SV2C: variants seen among roughly 807,000 people sequenced by gnomAD.
SV2C encodes the protein synaptic vesicle glycoprotein 2C.
In SV2C, 49 loss-of-function variants were observed where a neutral mutation model predicts 79.7. The ratio of observed to expected loss-of-function variants is 0.61; its 90% confidence interval spans 0.49 to 0.78. SV2C has a LOEUF of 0.78. Ranked by LOEUF, SV2C falls within the 30% of genes least tolerant of loss-of-function variation. The pLI, the probability that SV2C is intolerant of heterozygous loss-of-function variation, is 0.00. For missense variants in SV2C, 833 were observed against 912.9 expected, an observed-to-expected ratio of 0.91 and a Z score of 1.13; for synonymous variants, 334 against 333.2, an observed-to-expected ratio of 1.00 and a Z score of -0.03.
At chr5:76,058,304 A>G in the SV2C span, among the ~76,000 whole-genome samples, 1 of 152,094 alleles carries the variant, frequency 6.6e-6, no homozygotes, top group Non-Finnish European at 1.5e-5. Flanking sequence ...AAAGAAATTC[A>G]TTTCAGATCT....
intron 3 of SV2C, among the ~76,000 whole-genome samples, chr5:76,207,321 G>C (rs1375089223): frequency 1.3e-5 from 2 of 152,164 alleles, no homozygotes; most frequent in Non-Finnish European, 2.9e-5. Flanking sequence ...ACATTAATGA[G>C]GAAGTGAAAA....
At chr5:76,035,424 T>C in the SV2C span, among the ~76,000 whole-genome samples, 2 of 152,148 alleles carry the variant, frequency 1.3e-5, no homozygotes, top group Admixed American at 6.5e-5. Context: ...GTTTTGAATG[T>C]GTCCAAGAGA....
At chr5:76,129,136 C>T (rs1748801050) in intron 1 of SV2C, among the ~76,000 whole-genome samples, 1 of 152,210 alleles carries the variant, frequency 6.6e-6, no homozygotes, top group Non-Finnish European at 1.5e-5. Flanking sequence ...ATTTTGAAAT[C>T]ACTGTAGATT....
chr5:76,167,783 A>G (rs903891931), intron 2 of SV2C, among the ~76,000 whole-genome samples: 4 of 152,200 alleles, frequency 2.6e-5, no homozygotes, highest in Non-Finnish European at 4.4e-5. Flanking sequence ...CTTCAGACCC[A>G]GGAACCCGAA....
chr5:76,098,694 A>G (rs544159172), intron 1 of SV2C, among the ~76,000 whole-genome samples: 1 of 152,260 alleles, frequency 6.6e-6, no homozygotes, highest in Non-Finnish European at 1.5e-5. Flanking sequence ...CAAACAAAAC[A>G]AAACAAAAAC....
intron 2 of SV2C, among the ~76,000 whole-genome samples, chr5:76,178,120 A>C (rs1019036980): frequency 2.0e-5 from 3 of 152,224 alleles, no homozygotes; most frequent in Admixed American, 6.5e-5. Context: ...TCAGATGTAC[A>C]GATGGGGCCT....
chr5:75,935,374 C>A, the SV2C span, among the ~76,000 whole-genome samples: 1 of 152,018 alleles, frequency 6.6e-6, no homozygotes, highest in African/African-American at 2.4e-5. Context: ...TAAGTACCTG[C>A]TTTTGAAGGT....
chr5:76,013,020 G>A, the SV2C span, among the ~76,000 whole-genome samples: 1 of 152,164 alleles, frequency 6.6e-6, no homozygotes, highest in African/African-American at 2.4e-5. Flanking sequence ...TTGTAGTATA[G>A]TTTGAAGTCA....
the SV2C span, among the ~76,000 whole-genome samples, chr5:75,991,423 T>C: frequency 6.6e-6 from 1 of 151,398 alleles, no homozygotes; most frequent in East Asian, 1.9e-4. Flanking sequence ...TTTTTTAATA[T>C]AGAAAATTTA....
chr5:76,274,662 C>CT (rs1746968100), intron 4 of SV2C, among the ~76,000 whole-genome samples: 1 of 146,010 alleles, frequency 6.8e-6, no homozygotes, highest in East Asian at 2.0e-4. Context: ...ACTACTTGGC[C>CT]TTTTTTTTCC....
At chr5:76,229,614 A>G (rs150943363) in intron 4 of SV2C, among the ~76,000 whole-genome samples, 8 of 152,376 alleles carry the variant, frequency 5.3e-5, no homozygotes, top group Admixed American at 1.3e-4. Context: ...GCTAAAGTGT[A>G]GTTAGCCCCT....
At chr5:76,318,422 A>C (rs2913256) in intron 12 of SV2C, among the ~76,000 whole-genome samples, 13,918 of 152,030 alleles carry the variant, frequency 0.092, 692 homozygotes, top group Admixed American at 0.14. Flanking sequence ...CATCTCAAAA[A>C]GAAAGAAAGA....
At chr5:76,313,764 T>C (rs1748533420) in intron 12 of SV2C, among the ~76,000 whole-genome samples, 1 of 152,184 alleles carries the variant, frequency 6.6e-6, no homozygotes, top group African/African-American at 2.4e-5. Context: ...GCTGCAGGGC[T>C]TGGAGGACGC....
At chr5:76,162,722 C>T (rs761785491) in intron 2 of SV2C, among the ~76,000 whole-genome samples, 4 of 152,064 alleles carry the variant, frequency 2.6e-5, no homozygotes, top group Non-Finnish European at 5.9e-5. Flanking sequence ...CTGGCTTACA[C>T]GAATTGGGCC....
At chr5:76,300,965 C>A in intron 11 of SV2C, 33 bp downstream of exon 11, 1 of 1,609,754 alleles carries the variant, frequency 6.2e-7, no homozygotes, top group Non-Finnish European at 8.5e-7. Context: ...AATAAAAGAG[C>A]TGCCCCTGCA....
chr5:76,297,292 G>A lies in SV2C; in HGVS notation c.1502+1350G>A, dbSNP rs768009010. 7.2e-5 allele frequency among the ~76,000 whole-genome samples: 11 copies of A among 151,954 alleles called. No individual in the cohort carries two copies. In the East Asian group the frequency reaches 7.7e-4, roughly 11 times the overall value. On this transcript the variant is annotated intron_variant, in intron 9 of 12. Coordinates refer to ENST00000502798, the MANE Select transcript of SV2C (RefSeq NM_014979.4). ...ATGGCAACTCTTTATATACTGATAC[G>A]GAATAACCTCCAAGGTAGACTAGAA...
intron 1 of SV2C, among the ~76,000 whole-genome samples, chr5:76,111,865 C>G (rs532377878): frequency 1.2e-3 from 182 of 152,292 alleles, no homozygotes; most frequent in Admixed American, 1.9e-3. Context: ...GGTTTCTGGA[C>G]ACTTGTCCCG....
At chr5:76,285,368 G>T in intron 5 of SV2C, 73 bp downstream of exon 5, 1 of 1,579,208 alleles carries the variant, frequency 6.3e-7, no homozygotes, top group Non-Finnish European at 8.6e-7. Context: ...TTCTAGGAAA[G>T]CACATTTGCC....
chr5:76,242,196 G>A, intron 4 of SV2C: 1 of 1,012,694 alleles, frequency 9.9e-7, no homozygotes, highest in Non-Finnish European at 1.6e-6. Context: ...GGCTTTGGAG[G>A]AGCAGGTTTA....
Sources: gnomAD v4.1 joint callset for allele counts (sites outside exome capture counted in the v4.1 genomes callset) on GRCh38, gnomAD v4.1.1 for gene constraint, MANE v1.5 for transcripts, NCBI Gene and HGNC (gene_info 2026-07-23, HGNC 2026-07-21) for gene names.